Variants in TNRC6B observed in about 807,000 individuals in gnomAD.
TNRC6B encodes the protein trinucleotide repeat-containing gene 6B protein.
Under a neutral mutation model 203.6 loss-of-function variants are expected in TNRC6B, and 52 were observed. The ratio of observed to expected loss-of-function variants is 0.26; its 90% CI spans 0.20 to 0.32. TNRC6B has a LOEUF of 0.32. TNRC6B is among the 10% of genes least tolerant of loss of function. The pLI is 1.00. For missense variants in TNRC6B, 1,923 were observed against 2,286.2 expected, an observed-to-expected ratio of 0.84 and a Z score of 3.24; for synonymous variants, 838 against 845.7, an observed-to-expected ratio of 0.99 and a Z score of 0.16.
intron 3 of TNRC6B, among the ~76,000 whole-genome samples, chr22:40,252,192 C>T (rs1484290714): frequency 6.6e-6 from 1 of 152,182 alleles, no homozygotes; most frequent in African/African-American, 2.4e-5. Flanking sequence ...ATGTGTTTCT[C>T]AATTAGGTAT....
chr22:40,285,845 G>A (rs2070772957), intron 12 of TNRC6B, 75 bp downstream of exon 12: 2 of 1,542,538 alleles, frequency 1.3e-6, no homozygotes, highest in Non-Finnish European at 8.8e-7. Flanking sequence ...ACTGATTTTT[G>A]TGGGCATAAA....
At chr22:40,137,746 G>T (rs2068611661) in intron 3 of TNRC6B, among the ~76,000 whole-genome samples, 1 of 152,192 alleles carries the variant, frequency 6.6e-6, no homozygotes, top group Non-Finnish European at 1.5e-5. Context: ...CACTTTGGGA[G>T]GCCGAGGCGG....
intron 1 of TNRC6B, among the ~76,000 whole-genome samples, chr22:40,203,277 G>A (rs2069437290): frequency 6.6e-6 from 1 of 152,052 alleles, no homozygotes; most frequent in South Asian, 2.1e-4. Context: ...CCCCTGTCCA[G>A]GGTCTGGCCC....
chr22:40,274,672 C>T (rs374977730), intron 7 of TNRC6B, among the ~76,000 whole-genome samples: 3 of 152,148 alleles, frequency 2.0e-5, no homozygotes, highest in Non-Finnish European at 4.4e-5. Flanking sequence ...CCGTCCACCT[C>T]GGCCTCCCAA....
rs1418641769 is a variant in TNRC6B, at chr22:40,265,862, C to A, written c.1632C>A (p.His544Gln). Reference protein sequence around the residue: ...STGAWDNQKGHPLPENQGNAQ... With the variant: ...STGAWDNQKGQPLPENQGNAQ... ...GAGCATGGGACAATCAAAAGGGCCA[C>A]CCCCTCCCTGAAAACCAAGGCAATG... The change falls in exon 5 of 23, where the codon CAC (histidine) becomes CAA (glutamine). Residue 544 changes from histidine to glutamine, a missense_variant. By Grantham distance (24) the His-to-Gln change is conservative (BLOSUM62 0). Coordinates refer to ENST00000454349, the MANE Select transcript of TNRC6B (RefSeq NM_001162501.2). 2 of 1,613,984 alleles carry A rather than the reference C, an allele frequency of 1.2e-6. No homozygotes were observed. Among genetic ancestry groups the A allele is most frequent in the East Asian group, 2.2e-5 (1 of 44,878 alleles).
rs776752002 is a variant in TNRC6B at position 40,266,161 on chromosome 22, G to A, written c.1931G>A (p.Gly644Glu). 9 of 1,613,770 alleles carry A rather than the reference G, an allele frequency of 5.6e-6. No individual in the cohort carries two copies. The South Asian group carries it at 8.8e-5, about 16-fold the overall frequency. ...WDIEEVPRPE[G>E]KSDKGTEGWE... ...ATTGAAGAGGTGCCAAGGCCTGAGG[G>A]GAAATCTGACAAAGGAACTGAGGGG... The change falls in exon 5 of 23, where the codon GGG (glycine) becomes GAG (glutamate). Residue 644 changes from glycine to glutamate, a missense_variant. Gly to Glu is a moderately conservative substitution (Grantham distance 98). Around this residue, in one of 8 missense-constraint regions of TNRC6B, gnomAD observed 38 missense variants for 70.3 expected, o/e 0.54. Transcript: ENST00000454349.
chr22:40,245,972 G>A, intron 1 of TNRC6B, 43 bp from the exon 2 acceptor site: 1 of 1,447,450 alleles, frequency 6.9e-7, no homozygotes, highest in South Asian at 1.3e-5. Flanking sequence ...AATGGATTGT[G>A]AATGTAGATG....
intron 3 of TNRC6B, among the ~76,000 whole-genome samples, chr22:40,129,197 T>TAG (rs144872298): frequency 3.3e-5 from 5 of 152,148 alleles, no homozygotes; most frequent in Middle Eastern, 3.4e-3. Context: ...GACAGGAGGT[T>TAG]AGAGAGAGAG....
intron 1 of TNRC6B, among the ~76,000 whole-genome samples, chr22:40,073,712 G>A (rs760481250): frequency 1.1e-4 from 16 of 151,964 alleles, no homozygotes; most frequent in Non-Finnish European, 1.8e-4. Context: ...CAAGGAGTTC[G>A]AGACCAGTCT....
Position 40,099,972 on chromosome 22 carries a change from C to T in TNRC6B, c.-120-17083C>T, listed in dbSNP as rs1329483301. Among the ~76,000 whole-genome samples the T allele has an allele frequency of 4.6e-5, 7 of 152,196 alleles. No homozygotes were observed. In the South Asian group the frequency reaches 1.0e-3, roughly 23 times the overall value. On this transcript the variant is annotated intron_variant, in intron 1 of 23. Coordinates refer to the TNRC6B transcript ENST00000301923. Reference sequence around the variant, plus strand: ...TTTACCATATTAGCCAGGATGGTCTCGATCTCCTGACCTCATGATCCGCCC... The same window carrying T: ...TTTACCATATTAGCCAGGATGGTCTTGATCTCCTGACCTCATGATCCGCCC...
At chr22:40,134,609 A>G (rs1404696270) in intron 3 of TNRC6B, among the ~76,000 whole-genome samples, 2 of 152,184 alleles carry the variant, frequency 1.3e-5, no homozygotes, top group African/African-American at 4.8e-5. Flanking sequence ...AGAAATACCT[A>G]ATGTAGGTGA....
rs531911125 is a variant in TNRC6B at position 40,295,388 on chromosome 22, C to T, written c.3709-5067C>T. On this transcript the variant is annotated intron_variant, in intron 12 of 22. Transcript: ENST00000454349. ...ACTCAGGAGGCTGAGGCAGGAGAAT[C>T]GCTTGAGCCCGAGAGGTGGAGATTG... Among the ~76,000 whole-genome samples the T allele has an allele frequency of 5.9e-4, 89 of 150,874 alleles. 1 individual carries two copies. Among genetic ancestry groups the T allele is most frequent in the Non-Finnish European group, 6.8e-4 (46 of 67,882 alleles).
Position 40,323,610 on chromosome 22 carries a change from T to C in TNRC6B, c.*369T>C. On this transcript the variant is annotated 3_prime_UTR_variant, in exon 23 of 23. Transcript: ENST00000454349. ...TTTTTTCATGTTATATGGAAGTTGT[T>C]GCTAAGAAACATATATACTGAAAAA... The C allele has an allele frequency of 6.0e-6, 1 of 167,472 alleles. No homozygotes were observed. The allele number at this position is 167,472 out of a possible 1,614,324, so 10.4% of individuals were successfully genotyped here.
At chr22:40,298,461 A>G (rs1195011953) in intron 12 of TNRC6B, among the ~76,000 whole-genome samples, 1 of 152,226 alleles carries the variant, frequency 6.6e-6, no homozygotes, top group Non-Finnish European at 1.5e-5. Context: ...ATGAGATGCA[A>G]GGGAACTGTA....
At chr22:40,132,517 G>A (rs1248279187) in intron 3 of TNRC6B, among the ~76,000 whole-genome samples, 3 of 142,004 alleles carry the variant, frequency 2.1e-5, no homozygotes, top group Non-Finnish European at 4.6e-5. Context: ...GAGGGCGAGG[G>A]GCCTGTAGTC....
rs778587693 is a variant in TNRC6B, at chr22:40,322,887, G to A, written c.5148G>A (p.Glu1716=). 2.5e-6 allele frequency: 4 copies of A among 1,613,944 alleles called. No homozygotes were observed. The Admixed American group carries it at 5.0e-5, about 20-fold the overall frequency. Residue 1716 remains glutamate, a synonymous_variant, in exon 23 of 23, where the codon GAG becomes GAA. Coordinates refer to ENST00000454349, the MANE Select transcript of TNRC6B (RefSeq NM_001162501.2). The stretch of plus-strand genomic sequence containing the variant: ...TGGGAAACACTACCATCCTTGCTGA[G>A]TTTGCCACTGATGATGAAGTCAGCC... The part of the protein sequence containing the change: ...CVLGNTTILA[E]FATDDEVSRF...
rs2071359055 is a variant in TNRC6B at position 40,323,085 on chromosome 22, C to T, written c.5346C>T (p.Ser1782=). The T allele has an allele frequency of 2.5e-6, 4 of 1,606,398 alleles. No homozygotes were observed. The highest frequency in any genetic ancestry group is 1.7e-6 in the Non-Finnish European group (2 of 1,176,230). ...LGQWSSSAGG[S]SGADLAGASL... ...AGTGGAGCAGCAGCGCTGGTGGCAG[C>T]AGCGGGGCCGATCTTGCTGGCGCTT... Residue 1782 remains serine (S), a synonymous_variant, in exon 23 of 23, where the codon AGC becomes AGT. Transcript: ENST00000454349.
At chr22:40,160,210 C>T (rs1265880819) in intron 4 of TNRC6B, among the ~76,000 whole-genome samples, 1 of 152,160 alleles carries the variant, frequency 6.6e-6, no homozygotes, top group Non-Finnish European at 1.5e-5. Flanking sequence ...GGCGCGGTGA[C>T]TCACGCCTGT....
rs138770323 is a variant in TNRC6B at position 40,316,764 on chromosome 22, G to T, written c.4974+752G>T. Among the ~76,000 whole-genome samples the T allele has an allele frequency of 4.6e-5, 7 of 152,308 alleles. No individual in the cohort carries two copies. The East Asian group carries it at 7.7e-4, about 17-fold the overall frequency. ...AGGTTCACAGTCTACTTCTGGAGAA[G>T]GGTTGATGCTGGCCACTAGGCTTCA... On this transcript the variant is annotated intron_variant, in intron 21 of 22. Coordinates refer to ENST00000454349, the MANE Select transcript of TNRC6B (RefSeq NM_001162501.2).
Sources: gnomAD v4.1 joint callset for allele counts (sites outside exome capture counted in the v4.1 genomes callset) on GRCh38, gnomAD v4.1.1 for gene constraint, gnomAD v4.1.1 regional missense constraint, MANE v1.5 for transcripts, NCBI Gene and HGNC (gene_info 2026-07-23, HGNC 2026-07-21) for gene names.